Variants in NDUFA3 observed in about 807,000 individuals in gnomAD.
NDUFA3 encodes the protein NADH:ubiquinone oxidoreductase subunit A3, also known as NADH dehydrogenase [ubiquinone] 1 alpha subcomplex subunit 3.
Under a neutral mutation model 11.4 loss-of-function variants are expected in NDUFA3, and 10 were observed. That is an observed-to-expected ratio of 0.87 (90% CI 0.54 to 1.48). The LOEUF is 1.48. Ranked by LOEUF, NDUFA3 falls within the 40% of genes most tolerant of loss-of-function variation. The pLI, the probability that NDUFA3 is intolerant of heterozygous loss-of-function variation, is 0.00. For missense variants in NDUFA3, 115 were observed against 110.5 expected (o/e 1.04, Z -0.18); for synonymous variants, 39 against 46.9 (o/e 0.83, Z 0.68).
intron 2 of NDUFA3, among the ~76,000 whole-genome samples, chr19:54,105,341 T>TCACTG (rs2073226490): frequency 7.0e-6 from 1 of 141,980 alleles, no homozygotes; most frequent in Non-Finnish European, 1.5e-5. Flanking sequence ...CAATCTGGGC[T>TCACTG]CACTGCAACC....
chr19:54,103,334 T>G, intron 2 of NDUFA3, 146 bp downstream of exon 2: 1 of 799,156 alleles, frequency 1.3e-6, no homozygotes. Flanking sequence ...TCTATCCCCA[T>G]ACCCATTATA....
In NDUFA3 at chr19:54,106,886, G is replaced by A. The variant is rs765824825; in HGVS notation, c.239G>A (p.Trp80Ter). ...PQDPQGPSLE[W>*]LKKL ...GACCCTCAGGGCCCCAGCCTGGAGT[G>A]GCTGAAGAAACTGTGAGCACCTCCA... The change falls in exon 4 of 4, where the codon TGG becomes TAG. Residue 80 changes from tryptophan to a stop codon, truncating the protein, a stop_gained. Coordinates refer to ENST00000485876, the MANE Select transcript of NDUFA3 (RefSeq NM_004542.4). LOFTEE classifies it high-confidence loss of function. The A allele has an allele frequency of 2.2e-5, 35 of 1,612,946 alleles. No homozygotes were observed. The South Asian group carries it at 3.7e-4, about 17-fold the overall frequency.
At chr19:54,105,810 C>T (rs1373763187) in intron 2 of NDUFA3, 124 bp from the exon 3 acceptor site, 9 of 786,420 alleles carry the variant, frequency 1.1e-5, no homozygotes, top group South Asian at 4.4e-5. Flanking sequence ...TCCTCCTGGA[C>T]GTGCTGGCCC....
intron 3 of NDUFA3, 175 bp downstream of exon 3, chr19:54,106,186 G>A (rs2073254999): frequency 3.1e-6 from 2 of 647,352 alleles, no homozygotes; most frequent in African/African-American, 1.8e-5. Context: ...TTCTGTGTTT[G>A]TGCTTCGTTT....
chr19:54,106,605 G>C (rs1387760992), intron 3 of NDUFA3: 7 of 493,654 alleles, frequency 1.4e-5, no homozygotes, highest in Non-Finnish European at 2.1e-5. Context: ...TCTAGTGCGC[G>C]GGATCTCTCC....
Position 54,106,028 on chromosome 19 carries a change from C to T in NDUFA3, c.163+17C>T. 2 of 1,602,410 alleles carry T rather than the reference C, an allele frequency of 1.2e-6. No homozygotes were observed. Among genetic ancestry groups the T allele is most frequent in the South Asian group, 2.2e-5 (2 of 90,844 alleles). ...ACTACCCAGGTGAGTGGGGGCCAGG[C>T]AGGGATCCCCGGAATAGGCCCAGCC... On this transcript the variant is annotated intron_variant, in intron 3 of 3. Coordinates refer to ENST00000485876, the MANE Select transcript of NDUFA3 (RefSeq NM_004542.4).
At chr19:54,106,762 A>T in intron 3 of NDUFA3, 49 bp from the exon 4 acceptor site, 2 of 1,497,688 alleles carry the variant, frequency 1.3e-6, no homozygotes, top group Non-Finnish European at 1.8e-6. Context: ...TCTTCTCTCC[A>T]GGGCCCTGGA....
intron 2 of NDUFA3, among the ~76,000 whole-genome samples, chr19:54,103,706 A>C (rs2073164629): frequency 6.6e-6 from 1 of 151,376 alleles, no homozygotes; most frequent in Non-Finnish European, 1.5e-5. Context: ...TTTGCGATGG[A>C]GTCTCACTCT....
rs1400167312 is a variant in NDUFA3 at position 54,105,669 on chromosome 19, A to G, written c.86-265A>G. 8 of 683,420 alleles carry G rather than the reference A, an allele frequency of 1.2e-5. No individual in the cohort carries two copies. The African/African-American group carries it at 1.4e-4, about 12-fold the overall frequency. The allele number at this position is 683,420 out of a possible 1,614,324, so 42.3% of individuals were successfully genotyped here. On this transcript the variant is annotated intron_variant, in intron 2 of 3. Transcript: ENST00000485876. ...CTCAAACGTGCTCATTCCATGACCA[A>G]CCCCACTGCTGCCTCCTCCAGGCCC...
At chr19:54,105,614 AC>A in intron 2 of NDUFA3, 1 of 590,610 alleles carries the variant, frequency 1.7e-6, no homozygotes, top group Non-Finnish European at 3.3e-6. Context: ...CCATGACACT[AC>A]CCCCAGGATG....
chr19:54,104,164 G>A (rs1270682390), intron 2 of NDUFA3, among the ~76,000 whole-genome samples: 3 of 125,408 alleles, frequency 2.4e-5, no homozygotes, highest in Admixed American at 1.9e-4. Context: ...TTGAGATGGC[G>A]TCTCGCTCTG....
At chr19:54,103,041 G>A in intron 1 of NDUFA3, 73 bp from the exon 2 acceptor site, 1 of 1,559,990 alleles carries the variant, frequency 6.4e-7, no homozygotes, top group African/African-American at 1.3e-5. Context: ...TCCAGGGCAG[G>A]GGTGGCACGA....
In NDUFA3 at chr19:54,107,290, C is replaced by A; in HGVS notation, c.*388C>A. ...AAGAGACAGGGTCTCACTCTGTTGC[C>A]CAGGCTGGAGTGCAGTGGTGCCATC... On this transcript the variant is annotated 3_prime_UTR_variant, in exon 4 of 4. Coordinates refer to ENST00000485876, the MANE Select transcript of NDUFA3 (RefSeq NM_004542.4). 1 of 1,395,784 alleles carries A rather than the reference C, an allele frequency of 7.2e-7. No homozygotes were observed. The highest frequency in any genetic ancestry group is 9.7e-7 in the Non-Finnish European group (1 of 1,026,116). 86.5% of individuals were successfully genotyped at this position (1,395,784 alleles called of 1,614,324 possible).
chr19:54,106,613 T>C (rs764075346), intron 3 of NDUFA3, 198 bp from the exon 4 acceptor site: 3 of 507,518 alleles, frequency 5.9e-6, no homozygotes, highest in Non-Finnish European at 6.9e-6. Context: ...GCGGGATCTC[T>C]CCCTCGCTAT....
chr19:54,103,312 G>A (rs2073148226), intron 2 of NDUFA3, 124 bp downstream of exon 2: 2 of 969,170 alleles, frequency 2.1e-6, no homozygotes, highest in Non-Finnish European at 3.0e-6. Context: ...GCACCCCCAC[G>A]GCATCCCCTT....
Position 54,105,947 on chromosome 19 carries a change from C to G in NDUFA3, c.99C>G (p.Pro33=). The change falls in exon 3 of 4, where the codon CCC becomes CCG. Residue 33 remains proline, a synonymous_variant. Coordinates refer to ENST00000485876, the MANE Select transcript of NDUFA3 (RefSeq NM_004542.4). ...FVVGGLAVIL[P]PLSPYFKYSV... ...GTCTCTCCACAGCTGTAATTCTGCC[C>G]CCATTGAGCCCCTACTTCAAGTACT... is the stretch of plus-strand genomic sequence containing the variant. 1.2e-6 allele frequency: 2 copies of G among 1,613,380 alleles called. No individual in the cohort carries two copies. Among genetic ancestry groups the G allele is most frequent in the Non-Finnish European group, 1.7e-6 (2 of 1,179,382 alleles).
Position 54,107,330 on chromosome 19 carries a change from C to T in NDUFA3, c.*428C>T. Reference sequence around the variant, plus strand: ...GTGGTGCCATCATAGTTCACTGCAGCCTCTGCCTCCCAGGCTCAAGTGATC... The same window carrying T: ...GTGGTGCCATCATAGTTCACTGCAGTCTCTGCCTCCCAGGCTCAAGTGATC... On this transcript the variant is annotated 3_prime_UTR_variant, in exon 4 of 4. Coordinates refer to ENST00000485876, the MANE Select transcript of NDUFA3 (RefSeq NM_004542.4). 1 of 919,526 alleles carries T rather than the reference C, an allele frequency of 1.1e-6. No homozygotes were observed. Among genetic ancestry groups the T allele is most frequent in the Non-Finnish European group, 1.6e-6 (1 of 619,230 alleles). The allele number at this position is 919,526 out of a possible 1,614,324, so 57.0% of individuals were successfully genotyped here. A position where few individuals can be genotyped will look rare whatever the true frequency, so the allele number is the denominator to read the frequency against.
chr19:54,102,958 AG>A, intron 1 of NDUFA3, 70 bp downstream of exon 1: 2 of 1,579,324 alleles, frequency 1.3e-6, no homozygotes, highest in Non-Finnish European at 1.7e-6. Context: ...CCTGGGACTG[AG>A]GTGCGGCAGG....
intron 2 of NDUFA3, 126 bp downstream of exon 2, chr19:54,103,314 C>A: frequency 2.1e-6 from 2 of 954,626 alleles, no homozygotes; most frequent in Non-Finnish European, 3.0e-6. Context: ...ACCCCCACGG[C>A]ATCCCCTTAT....
Sources: gnomAD v4.1 joint callset for allele counts (sites outside exome capture counted in the v4.1 genomes callset) on GRCh38, gnomAD v4.1.1 for gene constraint, MANE v1.5 for transcripts, NCBI Gene and HGNC (gene_info 2026-07-23, HGNC 2026-07-21) for gene names.